Variants in CNTNAP5 observed in about 807,000 individuals in gnomAD.
CNTNAP5 encodes contactin associated protein family member 5, also known as contactin-associated protein-like 5.
A neutral mutation model predicts 150.2 loss-of-function variants in CNTNAP5; 72 were observed. The ratio of observed to expected loss-of-function variants is 0.48; its 90% confidence interval spans 0.40 to 0.58. The LOEUF is 0.58. CNTNAP5 is among the 20% of genes least tolerant of loss of function. CNTNAP5 has a pLI of 0.00. For missense variants in CNTNAP5, 1,636 were observed against 1,626.2 expected, an observed-to-expected ratio of 1.01 and a Z score of -0.10; for synonymous variants, 672 against 619.8, an observed-to-expected ratio of 1.08 and a Z score of -1.25.
rs542380870 is a variant in CNTNAP5 at position 124,679,973 on chromosome 2, C to A, written c.2077+32015C>A. 4.6e-5 allele frequency among the ~76,000 whole-genome samples: 7 copies of A among 151,898 alleles called. No homozygotes were observed. The South Asian group carries it at 1.0e-3, about 23-fold the overall frequency. On this transcript the variant is annotated intron_variant, in intron 13 of 23. Transcript: ENST00000682447. ...TCAAGAAGTTCGAGACCCCCGCCCC[C>A]ACAACTCTGCAGCAGTCTCTGTATT...
intron 10 of CNTNAP5, among the ~76,000 whole-genome samples, chr2:124,529,892 C>G (rs555168403): frequency 6.6e-6 from 1 of 152,264 alleles, no homozygotes; most frequent in Admixed American, 6.5e-5. Flanking sequence ...CCTTCTTTTT[C>G]TCTCTCAAAG....
chr2:124,202,944 C>T (rs57779005), intron 1 of CNTNAP5, among the ~76,000 whole-genome samples: 5 of 151,860 alleles, frequency 3.3e-5, no homozygotes, highest in South Asian at 4.1e-4. Flanking sequence ...CTCATATCCT[C>T]GCATTTTAAA....
At chr2:124,145,812 T>TAAAAAAAAAAAAAAAAA in intron 1 of CNTNAP5, among the ~76,000 whole-genome samples, 7 of 64,196 alleles carry the variant, frequency 1.1e-4, no homozygotes, top group African/African-American at 1.4e-4. Flanking sequence ...AAAAAAACAT[T>TAAAAAAAAAAAAAAAAA]AAAAAAAAAA....
intron 21 of CNTNAP5, among the ~76,000 whole-genome samples, chr2:124,898,963 C>G (rs541102490): frequency 6.6e-6 from 1 of 151,322 alleles, no homozygotes; most frequent in Non-Finnish European, 1.5e-5. Context: ...ATTCAAGGGA[C>G]CTATTGTGCA....
intron 13 of CNTNAP5, among the ~76,000 whole-genome samples, chr2:124,653,493 G>A (rs1678364878): frequency 6.6e-6 from 1 of 151,486 alleles, no homozygotes; most frequent in African/African-American, 2.4e-5. Context: ...TGTCATATTT[G>A]TCCATAATGC....
At chr2:124,184,580 T>C (rs1478964069) in intron 1 of CNTNAP5, among the ~76,000 whole-genome samples, 1 of 152,130 alleles carries the variant, frequency 6.6e-6, no homozygotes, top group Non-Finnish European at 1.5e-5. Context: ...GTGTGGAGAA[T>C]GAATTGGAGA....
intron 3 of CNTNAP5, among the ~76,000 whole-genome samples, chr2:124,306,719 C>CTTTTTTTTT (rs762901729): frequency 9.3e-5 from 6 of 64,338 alleles, no homozygotes; most frequent in African/African-American, 3.1e-4. Flanking sequence ...CTCTCTCTTT[C>CTTTTTTTTT]TTTTTTTTTT....
intron 1 of CNTNAP5, among the ~76,000 whole-genome samples, chr2:124,076,218 C>T (rs1049770169): frequency 6.6e-6 from 1 of 152,092 alleles, no homozygotes; most frequent in Non-Finnish European, 1.5e-5. Context: ...TGTCTCGACT[C>T]GAACCCTGAC....
chr2:124,190,355 T>C (rs1165902382), intron 1 of CNTNAP5, among the ~76,000 whole-genome samples: 1 of 152,122 alleles, frequency 6.6e-6, no homozygotes, highest in Non-Finnish European at 1.5e-5. Context: ...TAGCCAATGC[T>C]AAAGGTTCCA....
Position 124,474,792 on chromosome 2 carries a change from A to G in CNTNAP5, c.972A>G (p.Lys324=), listed in dbSNP as rs1216422324. ...VPGKPGTFLK[K]NFHGCIENLY... ...GAAAACCTGGGACCTTTTTAAAGAAAAACTTCCATGGATGCATCGAAAACC... is the reference window on the plus strand; with the variant it reads ...GAAAACCTGGGACCTTTTTAAAGAAGAACTTCCATGGATGCATCGAAAACC... The change falls in exon 7 of 24, where the codon AAA becomes AAG. Residue 324 remains lysine (K), a synonymous_variant. Coordinates refer to ENST00000682447, the MANE Select transcript of CNTNAP5 (RefSeq NM_001367498.1). 3.1e-6 allele frequency: 5 copies of G among 1,603,028 alleles called. No individual in the cohort carries two copies. The African/African-American group carries it at 5.4e-5, about 17-fold the overall frequency.
chr2:124,589,802 A>T (rs1004593098), intron 11 of CNTNAP5, among the ~76,000 whole-genome samples: 1 of 152,180 alleles, frequency 6.6e-6, no homozygotes, highest in Non-Finnish European at 1.5e-5. Context: ...CCACATGTAG[A>T]CTTGCACAAT....
At chr2:124,570,104 T>G (rs1364989339) in intron 11 of CNTNAP5, among the ~76,000 whole-genome samples, 1 of 152,118 alleles carries the variant, frequency 6.6e-6, no homozygotes, top group Non-Finnish European at 1.5e-5. Flanking sequence ...CGGGATGATA[T>G]CTGAATCTTC....
intron 10 of CNTNAP5, among the ~76,000 whole-genome samples, chr2:124,534,320 A>G (rs780872262): frequency 8.1e-4 from 123 of 152,310 alleles, no homozygotes; most frequent in Non-Finnish European, 1.5e-3. Context: ...TTATTAAGAA[A>G]GTAAAGGAAT....
chr2:124,652,861 T>C (rs1177439011), intron 13 of CNTNAP5, among the ~76,000 whole-genome samples: 1 of 152,126 alleles, frequency 6.6e-6, no homozygotes, highest in Non-Finnish European at 1.5e-5. Flanking sequence ...GAAACCCTCT[T>C]CAGTAAAGCT....
chr2:124,752,921 CAGAGAGAATACACAATGTCCCTCATG>C (rs1680760294), intron 14 of CNTNAP5, among the ~76,000 whole-genome samples: 1 of 152,142 alleles, frequency 6.6e-6, no homozygotes, highest in Non-Finnish European at 1.5e-5. Flanking sequence ...TTGGAGAAGG[CAGAGAGAATACACAATGTCCCTCATG>C]ATGATGACCC....
chr2:124,789,794 C>A, intron 17 of CNTNAP5, 108 bp from the exon 18 acceptor site: 1 of 1,001,640 alleles, frequency 1.0e-6, no homozygotes, highest in Non-Finnish European at 1.4e-6. Flanking sequence ...TAATTTAGAC[C>A]TTCATGACAA....
At chr2:124,873,912 T>A (rs1300142890) in intron 21 of CNTNAP5, among the ~76,000 whole-genome samples, 1 of 152,074 alleles carries the variant, frequency 6.6e-6, no homozygotes, top group Non-Finnish European at 1.5e-5. Context: ...AAAGCAAGTT[T>A]GTTCATTTTC....
At chr2:124,039,657 G>A (rs1681313471) in intron 1 of CNTNAP5, among the ~76,000 whole-genome samples, 1 of 152,114 alleles carries the variant, frequency 6.6e-6, no homozygotes, top group Non-Finnish European at 1.5e-5. Flanking sequence ...ACATCCTTGA[G>A]TGTTTACTTC....
intron 1 of CNTNAP5, among the ~76,000 whole-genome samples, chr2:124,084,111 T>G (rs1429301690): frequency 6.6e-6 from 1 of 152,168 alleles, no homozygotes; most frequent in Admixed American, 6.5e-5. Context: ...TTCTTTAGAT[T>G]TAATTACTAA....
Sources: allele counts gnomAD v4.1 joint callset (sites outside exome capture counted in the v4.1 genomes callset), GRCh38; gene constraint gnomAD v4.1.1; transcripts MANE v1.5; gene names NCBI Gene and HGNC (gene_info 2026-07-23, HGNC 2026-07-21).